The following CAPN9 variants were observed in gnomAD, a reference collection of about 807,000 sequenced individuals.
CAPN9 encodes the protein calpain-9.
A neutral mutation model predicts 92.8 loss-of-function variants in CAPN9; 81 were observed. That is an observed-to-expected ratio of 0.87 (90% CI 0.73 to 1.05). CAPN9 has a LOEUF of 1.05. Among genes scored for constraint, CAPN9 ranks in the 50% least tolerant of loss-of-function variants. The pLI is 0.00. For missense variants in CAPN9, 848 were observed against 866.2 expected (o/e 0.98, Z 0.26); for synonymous variants, 304 against 328.0 (o/e 0.93, Z 0.79).
rs1370295623 is a variant in CAPN9 at position 230,762,523 on chromosome 1, T to C, written c.403-130T>C. On this transcript the variant is annotated intron_variant, in intron 3 of 19. Coordinates refer to ENST00000271971, the MANE Select transcript of CAPN9 (RefSeq NM_006615.3). ...GGTGCCCTACCTTGGAACCCGTGTG[T>C]GATTTTCAAAGCTGTCTATGGGTAG... 18 of 1,071,472 alleles carry C rather than the reference T, an allele frequency of 1.7e-5. No homozygotes were observed. In the East Asian group the frequency reaches 4.4e-4, roughly 26 times the overall value. The allele number at this position is 1,071,472 out of a possible 1,614,324, so 66.4% of individuals were successfully genotyped here. A position where few individuals can be genotyped will look rare whatever the true frequency, so the allele number is the denominator to read the frequency against.
Position 230,759,623 on chromosome 1 carries a change from A to G in CAPN9, c.395A>G (p.His132Arg). The G allele has an allele frequency of 5.0e-6, 8 of 1,602,170 alleles. No homozygotes were observed. The highest frequency in any genetic ancestry group is 6.8e-6 in the Non-Finnish European group (8 of 1,175,372). The change falls in exon 3 of 20, where the codon CAT becomes CGT. Residue 132 changes from histidine (H) to arginine (R), a missense_variant. Physicochemically the swap from His to Arg is conservative, Grantham distance 29 (BLOSUM62 0). Coordinates refer to ENST00000271971, the MANE Select transcript of CAPN9 (RefSeq NM_006615.3). Reference protein sequence around the residue: ...SFGPGYAGIFHFQFWQHSEWL... With the variant: ...SFGPGYAGIFRFQFWQHSEWL... ...GGCCCTGGTTATGCCGGGATATTCC[A>G]TTTCCAGGTAAGAGGGAGCCCTGGG...
At chr1:230,770,458 C>G (rs1418739774) in intron 6 of CAPN9, among the ~76,000 whole-genome samples, 1 of 152,156 alleles carries the variant, frequency 6.6e-6, no homozygotes, top group Non-Finnish European at 1.5e-5. Flanking sequence ...GCAGACACAA[C>G]CAGAATAACC....
intron 2 of CAPN9, among the ~76,000 whole-genome samples, chr1:230,755,633 C>T (rs997852593): frequency 2.0e-5 from 3 of 152,218 alleles, no homozygotes; most frequent in Non-Finnish European, 4.4e-5. Flanking sequence ...CTCACAGCCC[C>T]GGAGTTTACA....
At chr1:230,766,010 G>A (rs1665962383) in intron 4 of CAPN9, among the ~76,000 whole-genome samples, 1 of 152,146 alleles carries the variant, frequency 6.6e-6, no homozygotes, top group Non-Finnish European at 1.5e-5. Flanking sequence ...TGGACGGCAG[G>A]TACTCTTGAT....
At chr1:230,768,188 C>T (rs994160021) in intron 5 of CAPN9, among the ~76,000 whole-genome samples, 1 of 152,068 alleles carries the variant, frequency 6.6e-6, no homozygotes, top group African/African-American at 2.4e-5. Flanking sequence ...GAACTATGAT[C>T]GTGTCACTGC....
intron 7 of CAPN9, among the ~76,000 whole-genome samples, chr1:230,772,977 G>A (rs1023498309): frequency 2.0e-5 from 3 of 152,026 alleles, no homozygotes; most frequent in East Asian, 1.9e-4. Context: ...GCTGTTGCTC[G>A]TCCGCTGCTT....
intron 18 of CAPN9, 95 bp downstream of exon 18, chr1:230,795,374 A>G: frequency 1.4e-6 from 1 of 734,646 alleles, no homozygotes; most frequent in South Asian, 1.6e-5. Flanking sequence ...AAGTAATGGC[A>G]AAGATAGACC....
intron 13 of CAPN9, among the ~76,000 whole-genome samples, chr1:230,789,157 C>T (rs1298269949): frequency 1.3e-5 from 2 of 152,074 alleles, no homozygotes; most frequent in African/African-American, 2.4e-5. Context: ...CAGCATAACA[C>T]ACGGCTAGCG....
At chr1:230,799,434 A>G (rs1163409687) in intron 19 of CAPN9, among the ~76,000 whole-genome samples, 1 of 152,246 alleles carries the variant, frequency 6.6e-6, no homozygotes, top group East Asian at 1.9e-4. Flanking sequence ...TCAAGTGTGT[A>G]TCTCAGATCC....
chr1:230,787,647 G>T (rs768157055), intron 13 of CAPN9, 45 bp downstream of exon 13: 21 of 1,536,178 alleles, frequency 1.4e-5, no homozygotes, highest in Non-Finnish European at 1.8e-5. Context: ...CTGAGGGCCT[G>T]GACCTGCTTC....
intron 8 of CAPN9, among the ~76,000 whole-genome samples, chr1:230,778,191 C>T (rs144687446): frequency 1.7e-4 from 26 of 152,258 alleles, no homozygotes; most frequent in African/African-American, 6.3e-4. Context: ...TCCTTTCATT[C>T]GCTCCTTCCC....
chr1:230,797,947 C>G (rs1668457826), intron 18 of CAPN9, among the ~76,000 whole-genome samples: 1 of 152,116 alleles, frequency 6.6e-6, no homozygotes, highest in African/African-American at 2.4e-5. Context: ...CACTGGCTTG[C>G]TACAGGACTG....
At chr1:230,782,782 C>T (rs927391051) in intron 11 of CAPN9, among the ~76,000 whole-genome samples, 5 of 151,856 alleles carry the variant, frequency 3.3e-5, no homozygotes, top group African/African-American at 1.2e-4. Flanking sequence ...TTTGGGAGGC[C>T]GAGGCAGGAG....
At chr1:230,785,662 C>T (rs1424062039) in intron 11 of CAPN9, among the ~76,000 whole-genome samples, 2 of 152,202 alleles carry the variant, frequency 1.3e-5, no homozygotes, top group East Asian at 3.8e-4. Context: ...CACTGTGCTC[C>T]TGTAAAGCCT....
chr1:230,747,440 T>G lies in CAPN9; in HGVS notation c.-57T>G. On this transcript the variant is annotated 5_prime_UTR_variant, in exon 1 of 20. Transcript: ENST00000271971. ...TCTTGACCGGCACACACAGCTCGCT[T>G]CTTCACTTTCTTTTCCATCCACTGC... 6.8e-7 allele frequency: 1 copy of G among 1,461,246 alleles called. No homozygotes were observed. The highest frequency in any genetic ancestry group is 9.6e-7 in the Non-Finnish European group (1 of 1,042,546). The allele number at this position is 1,461,246 out of a possible 1,614,324, so 90.5% of individuals were successfully genotyped here. A position where few individuals can be genotyped will look rare whatever the true frequency, so the allele number is the denominator to read the frequency against.
At chr1:230,751,713 C>A (rs1664852216) in intron 1 of CAPN9, among the ~76,000 whole-genome samples, 1 of 151,704 alleles carries the variant, frequency 6.6e-6, no homozygotes, top group African/African-American at 2.4e-5. Context: ...GTGAATTATT[C>A]ACTGTGCTTA....
At chr1:230,748,947 T>A (rs1664596773) in intron 1 of CAPN9, among the ~76,000 whole-genome samples, 1 of 152,176 alleles carries the variant, frequency 6.6e-6, no homozygotes, top group Admixed American at 6.5e-5. Flanking sequence ...GTGGGGTGTA[T>A]GTGTGTGCAC....
rs1391635182 is a variant in CAPN9 at position 230,769,246 on chromosome 1, G to C, written c.772G>C (p.Val258Leu). The C allele has an allele frequency of 6.2e-7, 1 of 1,613,882 alleles. No homozygotes were observed. Among genetic ancestry groups the C allele is most frequent in the Non-Finnish European group, 8.5e-7 (1 of 1,179,724 alleles). Reference sequence around the variant, plus strand: ...TCTTATTAAGGGTCATGCCTACAGTGTAACGGGAATTGACCAGGTAGGCGA... The same window carrying C: ...TCTTATTAAGGGTCATGCCTACAGTCTAACGGGAATTGACCAGGTAGGCGA... ...FGLIKGHAYSVTGIDQVSFRG... is the reference protein window; with the variant it reads ...FGLIKGHAYSLTGIDQVSFRG... Residue 258 changes from valine (V) to leucine (L), a missense_variant, in exon 6 of 20, where the codon GTA (valine) becomes CTA (leucine). Physicochemically the swap from Val to Leu is conservative, Grantham distance 32 (BLOSUM62 1). Transcript: ENST00000271971.
intron 2 of CAPN9, among the ~76,000 whole-genome samples, chr1:230,757,922 G>A (rs899239426): frequency 5.9e-5 from 9 of 151,916 alleles, no homozygotes; most frequent in African/African-American, 1.2e-4. Context: ...GCAGTGAGCC[G>A]AGATGGTGCC....
Sources: gnomAD v4.1 joint callset for allele counts (sites outside exome capture counted in the v4.1 genomes callset) on GRCh38, gnomAD v4.1.1 for gene constraint, MANE v1.5 for transcripts, NCBI Gene and HGNC (gene_info 2026-07-23, HGNC 2026-07-21) for gene names.